Variants in TGS1 observed in about 807,000 individuals in gnomAD.
TGS1 encodes trimethylguanosine synthase.
A neutral mutation model predicts 92.2 loss-of-function variants in TGS1; 69 were observed. The ratio of observed to expected loss-of-function variants is 0.75; its 90% CI spans 0.62 to 0.91. The LOEUF is 0.91. Ranked by LOEUF, TGS1 falls within the 40% of genes least tolerant of loss-of-function variation. TGS1 has a pLI of 0.00. For synonymous variants in TGS1, 345 were observed against 338.1 expected, an observed-to-expected ratio of 1.02 and a Z score of -0.22; for missense variants, 1,062 against 1,001.2, an observed-to-expected ratio of 1.06 and a Z score of -0.82.
In TGS1 at chr8:55,799,182, C is replaced by T; in HGVS notation, c.1811C>T (p.Thr604Ile). Residue 604 changes from threonine to isoleucine, a missense_variant, in exon 8 of 13, where the codon ACT becomes ATT. By Grantham distance (89) the Thr-to-Ile change is moderately conservative (BLOSUM62 -1). Transcript: ENST00000260129. ...ATVPDEQDCV[T>I]QEVPDSRQAE... ...GTTCCAGATGAGCAGGATTGTGTTA[C>T]TCAAGAAGTGCCAGACTCCCGCCAG... The T allele has an allele frequency of 6.2e-7, 1 of 1,613,660 alleles. No homozygotes were observed. The highest frequency in any genetic ancestry group is 8.5e-7 in the Non-Finnish European group (1 of 1,179,858).
At chr8:55,794,622 TAAAC>T (rs1434397766) in intron 6 of TGS1, among the ~76,000 whole-genome samples, 1 of 152,180 alleles carries the variant, frequency 6.6e-6, no homozygotes, top group Non-Finnish European at 1.5e-5. Context: ...ATTTCAAAAG[TAAAC>T]AAAGCTGCTG....
rs765414360 is a variant in TGS1 at position 55,796,120 on chromosome 8, C to T, written c.1510C>T (p.Pro504Ser). ...CTTCTTTACCAAAGAGTCAGAAAAA[C>T]CATTTTTCAAGAAAAGCAAAATTCT... is the stretch of plus-strand genomic sequence containing the variant. ...HIFFTKESEK[P>S]FFKKSKILSK... Residue 504 changes from proline to serine, a missense_variant, in exon 7 of 13, where the codon CCA becomes TCA. Coordinates refer to ENST00000260129, the MANE Select transcript of TGS1 (RefSeq NM_024831.8). 7 of 1,611,982 alleles carry T rather than the reference C, an allele frequency of 4.3e-6. No individual in the cohort carries two copies. The highest frequency in any genetic ancestry group is 5.9e-6 in the Non-Finnish European group (7 of 1,179,038).
At chr8:55,780,202 C>T (rs1210983188) in intron 1 of TGS1, among the ~76,000 whole-genome samples, 2 of 145,232 alleles carry the variant, frequency 1.4e-5, no homozygotes, top group African/African-American at 5.1e-5. Context: ...CAGAGATTCG[C>T]TCTGCTGCTG....
Position 55,786,846 on chromosome 8 carries a change from A to G in TGS1, c.948A>G (p.Glu316=). ...SSGTSDKDHS[E]ILDGISNIKL... Reference sequence around the variant, plus strand: ...GTACAAGTGATAAGGATCATAGTGAAATACTTGATGGAATTAGTAACATAA... The same window carrying G: ...GTACAAGTGATAAGGATCATAGTGAGATACTTGATGGAATTAGTAACATAA... The change falls in exon 4 of 13, where the codon GAA becomes GAG. Residue 316 remains glutamate, a synonymous_variant. Transcript: ENST00000260129. The G allele has an allele frequency of 6.2e-7, 1 of 1,614,188 alleles. No homozygotes were observed. Among genetic ancestry groups the G allele is most frequent in the Non-Finnish European group, 8.5e-7 (1 of 1,180,000 alleles).
Position 55,786,967 on chromosome 8 carries a change from T to C in TGS1, c.1069T>C (p.Cys357Arg). Residue 357 changes from cysteine to arginine, a missense_variant, in exon 4 of 13, where the codon TGC (cysteine) becomes CGC (arginine). Transcript: ENST00000260129. ...QLSEVSSKRE[C>R]PASGQSEPRN... ...AAGTGAAGTTAGTAGCAAAAGAGAGTGCCCTGCTTCCGGCCAAAGTGAACC... is the reference window on the plus strand; with the variant it reads ...AAGTGAAGTTAGTAGCAAAAGAGAGCGCCCTGCTTCCGGCCAAAGTGAACC... 6.2e-7 allele frequency: 1 copy of C among 1,613,962 alleles called. No homozygotes were observed. Among genetic ancestry groups the C allele is most frequent in the Non-Finnish European group, 8.5e-7 (1 of 1,179,978 alleles).
chr8:55,796,688 C>CA (rs1206733090), intron 7 of TGS1, among the ~76,000 whole-genome samples: 52 of 144,726 alleles, frequency 3.6e-4, no homozygotes, highest in Non-Finnish European at 6.8e-4. Flanking sequence ...AACTCCATCT[C>CA]AAAAAAAAAC....
At chr8:55,792,649 T>C in intron 5 of TGS1, 49 bp from the exon 6 acceptor site, 2 of 1,298,510 alleles carry the variant, frequency 1.5e-6, no homozygotes, top group South Asian at 2.4e-5. Context: ...TCTGAACTAG[T>C]GGGCTCTGGT....
Position 55,786,394 on chromosome 8 carries a change from A to C in TGS1, c.496A>C (p.Thr166Pro). ...ATCTTCAATTGAACAGTATGAGAAC[A>C]CCAGAACATATGAACTTCAAAGCAA... ...DPSSIEQYEN[T>P]RTYELQSKKD... The change falls in exon 4 of 13, where the codon ACC (threonine) becomes CCC (proline). Residue 166 changes from threonine (T) to proline (P), a missense_variant. By Grantham distance (38) the Thr-to-Pro change is conservative (BLOSUM62 -1). Coordinates refer to ENST00000260129, the MANE Select transcript of TGS1 (RefSeq NM_024831.8). 6.2e-7 allele frequency: 1 copy of C among 1,613,788 alleles called. No homozygotes were observed. Among genetic ancestry groups the C allele is most frequent in the Non-Finnish European group, 8.5e-7 (1 of 1,179,924 alleles).
chr8:55,818,923 T>G (rs1803557806), intron 12 of TGS1, among the ~76,000 whole-genome samples: 1 of 152,192 alleles, frequency 6.6e-6, no homozygotes, highest in African/African-American at 2.4e-5. Context: ...CTTAGTGAAC[T>G]GGTTGTTTTT....
rs1227327534 is a variant in TGS1, at chr8:55,802,500, G to T, written c.1893G>T (p.Val631=). 2 of 1,614,004 alleles carry T rather than the reference G, an allele frequency of 1.2e-6. No individual in the cohort carries two copies. The highest frequency in any genetic ancestry group is 2.2e-5 in the South Asian group (2 of 91,070). Residue 631 remains valine, a synonymous_variant, in exon 9 of 13, where the codon GTG becomes GTT. Coordinates refer to ENST00000260129, the MANE Select transcript of TGS1 (RefSeq NM_024831.8). ...AGAACAAGAAGAAGAACAAAAAGGT[G>T]AATGGTCTGCCTCCTGAAATAGCTG... The part of the protein sequence containing the change: ...KKKNKKKNKK[V]NGLPPEIAAV...
Position 55,825,791 on chromosome 8 carries a change from A to G in TGS1, c.*1088A>G, listed in dbSNP as rs1421589026. ...AGTACAGTAGCAACTGAGCTGATCAATAAAGGTGAAATTACTTTTTCATTA... is the reference window on the plus strand; with the variant it reads ...AGTACAGTAGCAACTGAGCTGATCAGTAAAGGTGAAATTACTTTTTCATTA... On this transcript the variant is annotated 3_prime_UTR_variant, in exon 13 of 13. Coordinates refer to ENST00000260129, the MANE Select transcript of TGS1 (RefSeq NM_024831.8). Among the ~76,000 whole-genome samples, 1 of 152,240 alleles carries G rather than the reference A, an allele frequency of 6.6e-6. No homozygotes were observed. The highest frequency in any genetic ancestry group is 1.9e-4 in the East Asian group (1 of 5,204).
At chr8:55,782,893 A>G (rs1811606094) in intron 2 of TGS1, 81 bp downstream of exon 2, 1 of 873,562 alleles carries the variant, frequency 1.1e-6, no homozygotes, top group Non-Finnish European at 1.8e-6. Context: ...TTGTTATAAT[A>G]TTGTATTGAT....
intron 9 of TGS1, among the ~76,000 whole-genome samples, chr8:55,804,486 G>C (rs1812307499): frequency 6.6e-6 from 1 of 152,166 alleles, no homozygotes; most frequent in South Asian, 2.1e-4. Context: ...ACAAATCCAG[G>C]CTATTGCTTC....
intron 10 of TGS1, among the ~76,000 whole-genome samples, chr8:55,809,110 T>C (rs1433885514): frequency 6.6e-6 from 1 of 152,260 alleles, no homozygotes. Flanking sequence ...TATGTGTATT[T>C]ATACATTTAC....
intron 12 of TGS1, among the ~76,000 whole-genome samples, chr8:55,816,137 T>C (rs1210564269): frequency 1.3e-5 from 2 of 152,128 alleles, no homozygotes; most frequent in Non-Finnish European, 2.9e-5. Flanking sequence ...TTTTATCTGC[T>C]TGATGCCTGT....
At chr8:55,787,996 T>C (rs1480600127) in intron 4 of TGS1, among the ~76,000 whole-genome samples, 2 of 152,226 alleles carry the variant, frequency 1.3e-5, no homozygotes, top group Non-Finnish European at 2.9e-5. Flanking sequence ...ATCTGCCCCA[T>C]GACCCAAACA....
chr8:55,778,755 A>T (rs1383388987), intron 1 of TGS1, among the ~76,000 whole-genome samples: 2 of 152,156 alleles, frequency 1.3e-5, no homozygotes, highest in Non-Finnish European at 2.9e-5. Flanking sequence ...CTTCCTTTCC[A>T]TTTTACTACT....
intron 12 of TGS1, among the ~76,000 whole-genome samples, chr8:55,821,490 A>G (rs568823066): frequency 6.6e-6 from 1 of 152,240 alleles, no homozygotes; most frequent in African/African-American, 2.4e-5. Context: ...ACATCTAGAC[A>G]ACCCTCTGAA....
chr8:55,773,476 C>T lies in TGS1; in HGVS notation c.-143C>T, dbSNP rs2044812. The T allele has an allele frequency of 0.88, 508,666 of 576,924 alleles. 224,701 individuals carry two copies. The highest frequency in any genetic ancestry group is 1 in the East Asian group (29,957 of 30,088). 35.7% of individuals were successfully genotyped at this position (576,924 alleles called of 1,614,324 possible). On this transcript the variant is annotated 5_prime_UTR_variant, in exon 1 of 13. Transcript: ENST00000260129. ...CGGCGGCAGCGTCCGGGCTAGTTCC[C>T]GGCGCGAGCGGCCGCGGGCCAGTTT... is the stretch of plus-strand genomic sequence containing the variant.
Sources: gnomAD v4.1 joint callset for allele counts (sites outside exome capture counted in the v4.1 genomes callset) on GRCh38, gnomAD v4.1.1 for gene constraint, MANE v1.5 for transcripts, NCBI Gene and HGNC (gene_info 2026-07-23, HGNC 2026-07-21) for gene names.